RAI1: variants seen among roughly 807,000 people sequenced by gnomAD.
The protein encoded by RAI1 is retinoic acid induced 1, also known as retinoic acid-induced protein 1.
RAI1 carries 9 observed loss-of-function variants against 123.8 expected under a neutral mutation model. That is an observed-to-expected ratio of 0.07 (90% CI 0.04 to 0.13). The LOEUF is 0.13. RAI1 is among the 10% of genes least tolerant of loss of function. The pLI is 1.00. For synonymous variants in RAI1, 1,231 were observed against 1,127.3 expected, an observed-to-expected ratio of 1.09 and a Z score of -1.84; for missense variants, 2,256 against 2,545.8, an observed-to-expected ratio of 0.89 and a Z score of 2.45.
chr17:17,701,944 G>C (rs1015224721), intron 1 of RAI1, among the ~76,000 whole-genome samples: 2 of 152,220 alleles, frequency 1.3e-5, no homozygotes, highest in Non-Finnish European at 2.9e-5. Flanking sequence ...GACTCCAGTC[G>C]GGGAGGCAGC....
chr17:17,683,693 A>T (rs1197754783), intron 1 of RAI1: 1 of 152,246 alleles, frequency 6.6e-6, no homozygotes, highest in Non-Finnish European at 1.5e-5. Context: ...AGAGGAGGAG[A>T]ATGTATCAAG....
intron 2 of RAI1, among the ~76,000 whole-genome samples, chr17:17,754,729 G>A (rs1225992566): frequency 2.0e-5 from 3 of 152,246 alleles, no homozygotes. Context: ...AGAGCCCTAA[G>A]CGTTTTTGGG....
At chr17:17,766,341 C>T (rs1384466266) in intron 2 of RAI1, 1 of 152,202 alleles carries the variant, frequency 6.6e-6, no homozygotes, top group African/African-American at 2.4e-5. Context: ...GTCGCAGACA[C>T]ATGTGGGGCG....
chr17:17,787,663 TC>T (rs1437702469), intron 2 of RAI1, among the ~76,000 whole-genome samples: 1 of 152,132 alleles, frequency 6.6e-6, no homozygotes, highest in African/African-American at 2.4e-5. Flanking sequence ...GGCCCAGGTC[TC>T]CCGGCCTCTT....
intron 4 of RAI1, among the ~76,000 whole-genome samples, chr17:17,806,962 G>A (rs544357225): frequency 2.6e-5 from 4 of 152,266 alleles, no homozygotes; most frequent in African/African-American, 7.2e-5. Context: ...TTGGCCACAC[G>A]GCAGTAGAGG....
intron 3 of RAI1, chr17:17,802,184 C>G (rs1196742757): frequency 2.1e-6 from 1 of 470,784 alleles, no homozygotes; most frequent in South Asian, 1.5e-5. Flanking sequence ...TGGGGCAGCC[C>G]CCAAGCTCAG....
At chr17:17,778,752 A>AG (rs1352953395) in intron 2 of RAI1, 1 of 456,630 alleles carries the variant, frequency 2.2e-6, no homozygotes, top group Non-Finnish European at 4.4e-6. Context: ...GAGCCCGCCA[A>AG]GAGGGATTCT....
chr17:17,805,008 G>A (rs1330996421), intron 4 of RAI1, among the ~76,000 whole-genome samples: 9 of 152,040 alleles, frequency 5.9e-5, no homozygotes, highest in African/African-American at 9.7e-5. Context: ...GACTACAGGC[G>A]TGCACCACCA....
In RAI1 at chr17:17,798,071, C is replaced by G; in HGVS notation, c.5123C>G (p.Pro1708Arg). Residue 1708 changes from proline (P) to arginine (R), a missense_variant, in exon 3 of 6, where the codon CCT (proline) becomes CGT (arginine). Around this residue, in one of 7 missense-constraint regions of RAI1, gnomAD observed 243 missense variants for 316.6 expected, o/e 0.77. Transcript: ENST00000353383. ...GGGGACCTCTGTGGGCCCTACTACCCTGAACACTGCCTCCCCAAAAAGAAG... is the reference window on the plus strand; with the variant it reads ...GGGGACCTCTGTGGGCCCTACTACCGTGAACACTGCCTCCCCAAAAAGAAG... Reference protein sequence around the residue: ...DLGDLCGPYYPEHCLPKKKPK... With the variant: ...DLGDLCGPYYREHCLPKKKPK... The G allele has an allele frequency of 1.2e-6, 2 of 1,614,126 alleles. No homozygotes were observed. The highest frequency in any genetic ancestry group is 4.5e-5 in the East Asian group (2 of 44,872).
chr17:17,751,093 C>T (rs2030150492), intron 2 of RAI1, among the ~76,000 whole-genome samples: 5 of 152,194 alleles, frequency 3.3e-5, no homozygotes, highest in African/African-American at 2.4e-5. Context: ...CAAGTGCTGG[C>T]ATGTTGGCCT....
intron 1 of RAI1, among the ~76,000 whole-genome samples, chr17:17,715,896 G>A (rs967207165): frequency 8.5e-5 from 13 of 152,198 alleles, no homozygotes; most frequent in Non-Finnish European, 4.4e-5. Flanking sequence ...CCTGTTGTCC[G>A]TTCCGTGCCC....
intron 2 of RAI1, among the ~76,000 whole-genome samples, chr17:17,791,744 TC>T (rs1226822392): frequency 6.6e-6 from 1 of 152,136 alleles, no homozygotes; most frequent in Non-Finnish European, 1.5e-5. Flanking sequence ...TCCTCTTTCT[TC>T]CATCCCTCTT....
At position 17,796,145 on chromosome 17, in the gene RAI1, C is replaced by T; in HGVS notation, c.3197C>T (p.Pro1066Leu). ...CGTTCTCTCACGGCCCTGAGTGAGC[C>T]CCGCACGCCCGGACCCCCAGGCCTG... ...CTRSLTALSE[P>L]RTPGPPGLTT... Residue 1066 changes from proline (P) to leucine (L), a missense_variant, in exon 3 of 6, where the codon CCC becomes CTC. Coordinates refer to ENST00000353383, the MANE Select transcript of RAI1 (RefSeq NM_030665.4). The surrounding 1 kb of genome is among the most constrained non-coding windows in gnomAD (Gnocchi z 5.8). The T allele has an allele frequency of 6.4e-7, 1 of 1,568,222 alleles. No individual in the cohort carries two copies. Among genetic ancestry groups the T allele is most frequent in the Non-Finnish European group, 8.7e-7 (1 of 1,155,154 alleles).
intron 1 of RAI1, chr17:17,684,694 A>ATG (rs1914567461): frequency 1.2e-5 from 1 of 81,812 alleles, no homozygotes; most frequent in Non-Finnish European, 2.7e-5. Context: ...ATATATATAT[A>ATG]TATATATATA....
Position 17,795,922 on chromosome 17 carries a change from G to A in RAI1, c.2974G>A (p.Val992Met). The change falls in exon 3 of 6, where the codon GTG (valine) becomes ATG (methionine). Residue 992 changes from valine to methionine, a missense_variant. Physicochemically the swap from Val to Met is conservative, Grantham distance 21. This residue lies in a region of RAI1 where 566 missense variants were observed against 616.0 expected (regional missense o/e 0.92). Transcript: ENST00000353383. The surrounding 1 kb of genome is among the most constrained non-coding windows in gnomAD (Gnocchi z 5.9). Reference protein sequence around the residue: ...PEAPIAKKEPVPRGKSLRSRR... With the variant: ...PEAPIAKKEPMPRGKSLRSRR... ...GGCGCCCATCGCAAAGAAAGAGCCTGTGCCACGGGGCAAAAGCTTACGGAG... is the reference window on the plus strand; with the variant it reads ...GGCGCCCATCGCAAAGAAAGAGCCTATGCCACGGGGCAAAAGCTTACGGAG... 6.2e-7 allele frequency: 1 copy of A among 1,609,866 alleles called. No homozygotes were observed. Among genetic ancestry groups the A allele is most frequent in the Admixed American group, 1.7e-5 (1 of 59,864 alleles).
At chr17:17,712,238 C>T (rs186373865) in intron 1 of RAI1, among the ~76,000 whole-genome samples, 7 of 152,326 alleles carry the variant, frequency 4.6e-5, no homozygotes, top group African/African-American at 1.7e-4. Flanking sequence ...CAACATGTGA[C>T]GGAGCTGCCA....
chr17:17,732,546 G>T (rs1916305169), intron 2 of RAI1, among the ~76,000 whole-genome samples: 1 of 152,144 alleles, frequency 6.6e-6, no homozygotes, highest in Admixed American at 6.5e-5. Flanking sequence ...GGGTTTGCAG[G>T]CTTCTTTAAG....
intron 2 of RAI1, among the ~76,000 whole-genome samples, chr17:17,743,734 G>A (rs1199762053): frequency 6.6e-6 from 1 of 152,264 alleles, no homozygotes; most frequent in Non-Finnish European, 1.5e-5. Context: ...CCCGTCCTAG[G>A]ACCTGACTTA....
chr17:17,699,836 G>T (rs1915159553), intron 1 of RAI1, among the ~76,000 whole-genome samples: 1 of 152,144 alleles, frequency 6.6e-6, no homozygotes, highest in Admixed American at 6.5e-5. Flanking sequence ...CCCACCCTGT[G>T]CCTCTCCTGG....
Sources: gnomAD v4.1 joint callset for allele counts (sites outside exome capture counted in the v4.1 genomes callset) on GRCh38, gnomAD v4.1.1 for gene constraint, gnomAD v4.1.1 regional missense constraint, Gnocchi (gnomAD v3.1) non-coding constraint, MANE v1.5 for transcripts, NCBI Gene and HGNC (gene_info 2026-07-23, HGNC 2026-07-21) for gene names.